Variants in LRRC1 observed in about 807,000 individuals in gnomAD.
LRRC1 encodes the protein leucine-rich repeat-containing protein 1.
In LRRC1, 28 loss-of-function variants were observed where a neutral mutation model predicts 69.9. The ratio of observed to expected loss-of-function variants is 0.40; its 90% CI spans 0.30 to 0.55. The LOEUF (loss-of-function observed/expected upper bound fraction) is 0.55. LRRC1 is among the 20% of genes least tolerant of loss of function. LRRC1 has a pLI of 0.47. For synonymous variants in LRRC1, 236 were observed against 240.2 expected, an observed-to-expected ratio of 0.98 and a Z score of 0.16; for missense variants, 498 against 609.0, an observed-to-expected ratio of 0.82 and a Z score of 1.92.
At chr6:53,904,908 T>G (rs1768180013) in intron 10 of LRRC1, 1 of 154,392 alleles carries the variant, frequency 6.5e-6, no homozygotes, top group Non-Finnish European at 1.4e-5. Flanking sequence ...TGGGCCATGC[T>G]CATGTCTTGG....
chr6:53,892,940 G>C lies in LRRC1; in HGVS notation c.447-3558G>C, dbSNP rs1301391984. 2.6e-5 allele frequency among the ~76,000 whole-genome samples: 4 copies of C among 152,232 alleles called. No individual in the cohort carries two copies. The South Asian group carries it at 8.3e-4, about 32-fold the overall frequency. On this transcript the variant is annotated intron_variant, in intron 4 of 13. Transcript: ENST00000370888. ...CTCATACAGGAGGTAGGAGTCTATA[G>C]TCAGAGCCTTTGTTTGCTTTCTATT...
At chr6:53,878,640 T>C (rs6458971) in intron 2 of LRRC1, among the ~76,000 whole-genome samples, 127,643 of 152,112 alleles carry the variant, frequency 0.84, 53,673 homozygotes, top group East Asian at 0.96. Flanking sequence ...GATGAAGCTT[T>C]GCTCACCCGC....
At chr6:53,918,409 G>C (rs1279121350) in intron 11 of LRRC1, among the ~76,000 whole-genome samples, 1 of 152,180 alleles carries the variant, frequency 6.6e-6, no homozygotes, top group African/African-American at 2.4e-5. Context: ...ACTGTAAAAA[G>C]TTTGTTAATA....
At chr6:53,883,070 T>C in intron 4 of LRRC1, 94 bp downstream of exon 4, 1 of 736,488 alleles carries the variant, frequency 1.4e-6, no homozygotes, top group Non-Finnish European at 2.2e-6. Context: ...CCTATTTGTC[T>C]ACTCAGAAAG....
chr6:53,891,182 A>T (rs990110289), intron 4 of LRRC1, among the ~76,000 whole-genome samples: 4 of 152,294 alleles, frequency 2.6e-5, no homozygotes, highest in Admixed American at 2.6e-4. Context: ...GGAGCTTGTT[A>T]GGTGTGCTCT....
At chr6:53,812,180 T>C (rs1764811211) in intron 1 of LRRC1, among the ~76,000 whole-genome samples, 1 of 151,954 alleles carries the variant, frequency 6.6e-6, no homozygotes, top group Admixed American at 6.6e-5. Flanking sequence ...GGGAGAGGAG[T>C]GTCTTGTTAG....
At chr6:53,823,001 A>T (rs893020067) in intron 1 of LRRC1, among the ~76,000 whole-genome samples, 4 of 152,162 alleles carry the variant, frequency 2.6e-5, no homozygotes, top group African/African-American at 9.6e-5. Context: ...CAAATACACG[A>T]AAATAGCTTG....
intron 10 of LRRC1, among the ~76,000 whole-genome samples, chr6:53,909,485 C>T (rs1386687038): frequency 2.0e-5 from 3 of 151,978 alleles, no homozygotes; most frequent in South Asian, 2.1e-4. Flanking sequence ...GAAGATTGTA[C>T]CTCATAATGT....
chr6:53,826,702 T>G (rs1370506502), intron 1 of LRRC1, among the ~76,000 whole-genome samples: 1 of 152,172 alleles, frequency 6.6e-6, no homozygotes, highest in Admixed American at 6.5e-5. Flanking sequence ...TCCCCCTCCA[T>G]GCCTCTTTAG....
At chr6:53,811,235 G>A (rs1041733719) in intron 1 of LRRC1, among the ~76,000 whole-genome samples, 3 of 152,164 alleles carry the variant, frequency 2.0e-5, no homozygotes, top group Non-Finnish European at 4.4e-5. Context: ...CACAGCTTTA[G>A]TTTCTGTTTG....
chr6:53,891,658 A>T (rs976833608), intron 4 of LRRC1, among the ~76,000 whole-genome samples: 53 of 152,166 alleles, frequency 3.5e-4, no homozygotes, highest in African/African-American at 1.3e-3. Flanking sequence ...GGGGAAAAGA[A>T]GAAACTCTTT....
In LRRC1 at chr6:53,896,588, T is replaced by C. The variant is rs1767881840; in HGVS notation, c.503+34T>C. The C allele has an allele frequency of 3.2e-6, 5 of 1,559,446 alleles. No homozygotes were observed. In the South Asian group the frequency reaches 5.6e-5, roughly 17 times the overall value. On this transcript the variant is annotated intron_variant, in intron 5 of 13. Transcript: ENST00000370888. Reference sequence around the variant, plus strand: ...TTGGGGAAAATAAGAGGAGATTTTGTGCAGAATGAATTTAAGTATTTAAAA... The same window carrying C: ...TTGGGGAAAATAAGAGGAGATTTTGCGCAGAATGAATTTAAGTATTTAAAA...
chr6:53,817,702 C>T (rs1489147907), intron 1 of LRRC1, among the ~76,000 whole-genome samples: 3 of 152,082 alleles, frequency 2.0e-5, no homozygotes. Context: ...TTTTAGGTTC[C>T]ACATACTATA....
intron 2 of LRRC1, among the ~76,000 whole-genome samples, chr6:53,846,683 G>C (rs1765957260): frequency 6.6e-6 from 1 of 152,242 alleles, no homozygotes; most frequent in South Asian, 2.1e-4. Context: ...TGGAGTATAT[G>C]AACTAGATAT....
intron 2 of LRRC1, among the ~76,000 whole-genome samples, chr6:53,855,464 C>G (rs1766279902): frequency 6.6e-6 from 1 of 152,134 alleles, no homozygotes; most frequent in African/African-American, 2.4e-5. Context: ...GTGGGGAAAC[C>G]TAAGTAACAC....
rs766245709 is a variant in LRRC1, at chr6:53,920,637, G to A, written c.1292G>A (p.Arg431His). 1.6e-5 allele frequency: 26 copies of A among 1,613,996 alleles called. No individual in the cohort carries two copies. Among genetic ancestry groups the A allele is most frequent in the Admixed American group, 3.3e-5 (2 of 60,006 alleles). ...TTTGTCACTGCAGAGAATCTGCCTCGCTGTGGTGCACTGGAGAACTTGGTA... is the reference window on the plus strand; with the variant it reads ...TTTGTCACTGCAGAGAATCTGCCTCACTGTGGTGCACTGGAGAACTTGGTA... ...SEPTCQENLP[R>H]CGALENLVND... Residue 431 changes from arginine to histidine, a missense_variant, in exon 13 of 14, where the codon CGC becomes CAC. Physicochemically the swap from Arg to His is conservative, Grantham distance 29. Transcript: ENST00000370888.
chr6:53,805,726 C>A (rs189559862), intron 1 of LRRC1, among the ~76,000 whole-genome samples: 2 of 152,242 alleles, frequency 1.3e-5, no homozygotes, highest in East Asian at 3.9e-4. Context: ...TAGAATGTAC[C>A]CACTACAGTC....
intron 3 of LRRC1, among the ~76,000 whole-genome samples, chr6:53,880,372 T>C (rs1208964672): frequency 1.3e-5 from 2 of 152,176 alleles, no homozygotes; most frequent in African/African-American, 4.8e-5. Flanking sequence ...CAACTGTCTC[T>C]TCTCTTAAAA....
intron 1 of LRRC1, among the ~76,000 whole-genome samples, chr6:53,823,777 A>G (rs923226535): frequency 2.0e-5 from 3 of 152,182 alleles, no homozygotes; most frequent in Admixed American, 2.0e-4. Context: ...TTTGCTGAGG[A>G]TAATGGCCGC....
Sources: gnomAD v4.1 joint callset for allele counts (sites outside exome capture counted in the v4.1 genomes callset) on GRCh38, gnomAD v4.1.1 for gene constraint, MANE v1.5 for transcripts, NCBI Gene and HGNC (gene_info 2026-07-23, HGNC 2026-07-21) for gene names.